ASAH1: variants seen among roughly 807,000 people sequenced by gnomAD.
The protein encoded by ASAH1 is acid ceramidase.
In ASAH1, 70 loss-of-function variants were observed where a neutral mutation model predicts 59.5. The ratio of observed to expected loss-of-function variants is 1.18; its 90% CI spans 0.97 to 1.43. The LOEUF is 1.43. ASAH1 is among the 40% of genes most tolerant of loss of function. The pLI is 0.00. For missense variants in ASAH1, 660 were observed against 482.5 expected, an observed-to-expected ratio of 1.37 and a Z score of -3.45; for synonymous variants, 213 against 166.5, an observed-to-expected ratio of 1.28 and a Z score of -2.15.
intron 2 of ASAH1, among the ~76,000 whole-genome samples, chr8:18,071,961 A>C (rs1448497801): frequency 6.6e-6 from 1 of 152,032 alleles, no homozygotes; most frequent in Non-Finnish European, 1.5e-5. Flanking sequence ...TTCTCTTCTC[A>C]TTTTCCTGGA....
chr8:18,084,951 G>C, upstream of ASAH1: 5 of 1,176,738 alleles, frequency 4.2e-6, no homozygotes, highest in Non-Finnish European at 6.0e-6. Flanking sequence ...TAGGTGACCG[G>C]GTTGGATTTC....
At chr8:18,068,351 G>A (rs1370155104) in intron 4 of ASAH1, 1 of 152,284 alleles carries the variant, frequency 6.6e-6, no homozygotes, top group African/African-American at 2.4e-5. Context: ...GTAGAGGGGA[G>A]ATTAAGGCAT....
intron 2 of ASAH1, chr8:18,073,411 G>A: frequency 1.1e-6 from 1 of 925,420 alleles, no homozygotes; most frequent in Non-Finnish European, 1.7e-6. Context: ...CTTAGTGTTT[G>A]CAATGTCCAT....
rs143060129 is a variant in ASAH1 at position 18,080,671 on chromosome 8, C to G, written c.78+3310G>C. On this transcript the variant is annotated intron_variant, in intron 1 of 13. Coordinates refer to ENST00000637790, the MANE Select transcript of ASAH1 (RefSeq NM_177924.5). ...CTCCCAGGTTCAAGCAATTCTCCCG[C>G]CTCAGCCTCCTGAGTAGCTGGGACT... Among the ~76,000 whole-genome samples, 217 of 152,336 alleles carry G rather than the reference C, an allele frequency of 1.4e-3. 1 individual carries two copies. Among genetic ancestry groups the G allele is most frequent in the African/African-American group, 5.0e-3 (206 of 41,568 alleles).
intron 2 of ASAH1, among the ~76,000 whole-genome samples, chr8:18,072,926 C>T (rs7387072): frequency 0.43 from 65,171 of 151,866 alleles, 14,891 homozygotes; most frequent in Admixed American, 0.53. Flanking sequence ...TGCCTCTATA[C>T]CCGCCATAAA....
At position 18,062,290 on chromosome 8, in the gene ASAH1, C is replaced by A. The variant is rs1190139418; in HGVS notation, c.637G>T (p.Gly213Ter). The change falls in exon 8 of 14, where the codon GGA becomes TGA. Residue 213 changes from glycine to a stop codon, truncating the protein, a stop_gained. Transcript: ENST00000637790. LOFTEE classifies it high-confidence loss of function. ...SFAGYVGMLT[G>*]FKPGLFSLTL... ...AACAGACTCCTTACTGGTTTGAATC[C>A]TGTTAACATGCCCACATAGCCAGCA... is the stretch of plus-strand genomic sequence containing the variant. 2 of 1,614,216 alleles carry A rather than the reference C, an allele frequency of 1.2e-6. No individual in the cohort carries two copies. The highest frequency in any genetic ancestry group is 1.7e-6 in the Non-Finnish European group (2 of 1,180,026).
At chr8:18,061,149 C>T (rs1799680483) in intron 10 of ASAH1, 2 of 401,746 alleles carry the variant, frequency 5.0e-6, no homozygotes, top group South Asian at 5.9e-5. Flanking sequence ...AGGTGCCTTT[C>T]ATAATGTCAG....
chr8:18,064,758 G>T (rs1280502458), intron 5 of ASAH1: 1 of 503,760 alleles, frequency 2.0e-6, no homozygotes, highest in East Asian at 3.2e-5. Flanking sequence ...CTGAACATCT[G>T]GGCAGGTTGC....
intron 5 of ASAH1, chr8:18,065,885 T>C (rs1289704834): frequency 7.4e-6 from 1 of 135,542 alleles, no homozygotes; most frequent in Non-Finnish European, 1.6e-5. Context: ...ATACACATTG[T>C]GTGTGTGTGT....
intron 2 of ASAH1, among the ~76,000 whole-genome samples, chr8:18,073,967 T>C (rs1189123276): frequency 1.3e-5 from 2 of 152,196 alleles, no homozygotes; most frequent in Non-Finnish European, 2.9e-5. Flanking sequence ...TACATATGTA[T>C]GTATACATGT....
intron 5 of ASAH1, 97 bp from the exon 6 acceptor site, chr8:18,064,628 T>G (rs1327448846): frequency 7.8e-6 from 6 of 769,156 alleles, no homozygotes; most frequent in Non-Finnish European, 1.1e-5. Context: ...ATTGTGTGAG[T>G]GTGTGCTTTG....
chr8:18,065,217 A>G (rs1799879860), intron 5 of ASAH1: 1 of 151,582 alleles, frequency 6.6e-6, no homozygotes, highest in Non-Finnish European at 1.5e-5. Flanking sequence ...TAATAATTAT[A>G]TAAATTTACA....
intron 5 of ASAH1, 113 bp from the exon 6 acceptor site, chr8:18,064,644 T>C (rs1799855337): frequency 2.8e-5 from 20 of 707,418 alleles, no homozygotes; most frequent in East Asian, 2.7e-4. Flanking sequence ...CTTTGGCCAG[T>C]GGGGCTGTGC....
rs114544494 is a variant in ASAH1, at chr8:18,083,363, G to A, written c.78+618C>T. ...CTCTTCTGTAAAATGAAAGAGTCAC[G>A]CTCGTCCCTCACTGTCTCTTGCAGT... On this transcript the variant is annotated intron_variant, in intron 1 of 13. Coordinates refer to ENST00000637790, the MANE Select transcript of ASAH1 (RefSeq NM_177924.5). The A allele has an allele frequency of 5.9e-3, 905 of 153,750 alleles. 8 individuals are homozygous for A. Among genetic ancestry groups the A allele is most frequent in the African/African-American group, 0.02 (842 of 41,584 alleles). The allele number at this position is 153,750 out of a possible 1,614,324, so 9.5% of individuals were successfully genotyped here. A position where few individuals can be genotyped will look rare whatever the true frequency, so the allele number is the denominator to read the frequency against.
At chr8:18,065,356 G>C (rs1275277352) in intron 5 of ASAH1, 4 of 152,036 alleles carry the variant, frequency 2.6e-5, no homozygotes, top group Admixed American at 2.6e-4. Flanking sequence ...CATATTTCCA[G>C]TATGCTATCT....
intron 7 of ASAH1, chr8:18,062,635 A>G: frequency 1.7e-6 from 1 of 582,622 alleles, no homozygotes. Flanking sequence ...AATATCACAC[A>G]GCTTATAAAT....
At position 18,075,001 on chromosome 8, in the gene ASAH1, C is replaced by CTTTTTTTTTTTTTTTTTT. The variant is rs769278694; in HGVS notation, c.125+539_125+540insAAAAAAAAAAAAAAAAAA. Among the ~76,000 whole-genome samples, 1,463 of 148,170 alleles carry CTTTTTTTTTTTTTTTTTT rather than the reference C, an allele frequency of 9.9e-3. 55 individuals are homozygous for CTTTTTTTTTTTTTTTTTT. The highest frequency in any genetic ancestry group is 0.015 in the Non-Finnish European group (974 of 67,004). ...ATTGAGTGGAGAATGAAAATCCTTT[C>CTTTTTTTTTTTTTTTTTT]CTTTTTTTTTTTGAGACAGAGTCTC... On this transcript the variant is annotated intron_variant, in intron 2 of 13. Transcript: ENST00000637790.
At position 18,069,833 on chromosome 8, in the gene ASAH1, C is replaced by T. The variant is rs368365768; in HGVS notation, c.262G>A (p.Val88Met). 6.9e-6 allele frequency: 11 copies of T among 1,591,368 alleles called. No homozygotes were observed. The highest frequency in any genetic ancestry group is 2.2e-5 in the East Asian group (1 of 44,754). ...NSLKNMINTF[V>M]PSGKIMQVVD... The stretch of plus-strand genomic sequence containing the variant: ...ACCTGCATAATTTTTCCACTTGGCA[C>T]GAATGTATTTATCATATTCTTCAGA... The change falls in exon 4 of 14, where the codon GTG (valine) becomes ATG (methionine). Residue 88 changes from valine to methionine, a missense_variant. By Grantham distance (21) the Val-to-Met change is conservative. Transcript: ENST00000637790.
chr8:18,065,647 C>T (rs1799899799), intron 5 of ASAH1: 1 of 152,078 alleles, frequency 6.6e-6, no homozygotes, highest in Admixed American at 6.6e-5. Context: ...GTGAGGTCTT[C>T]TCCCTGAAAA....
Sources: allele counts gnomAD v4.1 joint callset (sites outside exome capture counted in the v4.1 genomes callset), GRCh38; gene constraint gnomAD v4.1.1; transcripts MANE v1.5; gene names NCBI Gene and HGNC (gene_info 2026-07-23, HGNC 2026-07-21).